The following VPS45 variants were observed in gnomAD, a reference collection of about 807,000 sequenced individuals.
VPS45 encodes vacuolar protein sorting-associated protein 45.
Under a neutral mutation model 75.9 loss-of-function variants are expected in VPS45, and 35 were observed. That is an observed-to-expected ratio of 0.46 (90% confidence interval 0.35 to 0.61). VPS45 has a LOEUF of 0.61. Ranked by LOEUF, VPS45 falls within the 20% of genes least tolerant of loss-of-function variation. The pLI is 0.00. For synonymous variants in VPS45, 220 were observed against 238.2 expected (o/e 0.92, Z 0.70); for missense variants, 559 against 685.9 (o/e 0.81, Z 2.07).
chr1:150,072,637 A>G lies in VPS45; in HGVS notation c.289+411A>G, dbSNP rs182875546. On this transcript the variant is annotated intron_variant, in intron 3 of 14. Coordinates refer to ENST00000644510, the MANE Select transcript of VPS45 (RefSeq NM_007259.5). ...GCGCCATTGCACTCCAGCCTGGGCAACAAAGCGAAACTCCATCTCAAAAAA... is the reference window on the plus strand; with the variant it reads ...GCGCCATTGCACTCCAGCCTGGGCAGCAAAGCGAAACTCCATCTCAAAAAA... Among the ~76,000 whole-genome samples, 7 of 137,426 alleles carry G rather than the reference A, an allele frequency of 5.1e-5. No homozygotes were observed. The Admixed American group carries it at 5.4e-4, about 11-fold the overall frequency. 90.2% of individuals were successfully genotyped at this position (137,426 alleles called of 152,430 possible). A position where few individuals can be genotyped will look rare whatever the true frequency, so the allele number is the denominator to read the frequency against.
chr1:150,080,176 G>A (rs1303637073), intron 7 of VPS45, among the ~76,000 whole-genome samples: 1 of 135,684 alleles, frequency 7.4e-6, no homozygotes, highest in African/African-American at 2.8e-5. Context: ...ATGGAGTTTT[G>A]CTCTTATTGT....
At chr1:150,118,519 C>T (rs1026102686) in intron 14 of VPS45, among the ~76,000 whole-genome samples, 31 of 152,012 alleles carry the variant, frequency 2.0e-4, no homozygotes, top group African/African-American at 7.2e-4. Flanking sequence ...AATTCTCCTG[C>T]CTCAGCCTCC....
Position 150,110,577 on chromosome 1 carries a change from T to C in VPS45, c.1575T>C (p.Thr525=). The C allele has an allele frequency of 6.2e-7, 1 of 1,613,752 alleles. No individual in the cohort carries two copies. The highest frequency in any genetic ancestry group is 8.5e-7 in the Non-Finnish European group (1 of 1,179,834). ...CAGTTTATAACCTGAACCGCACCAC[T>C]CCTGGAGTGAGGATTGTCCTGGGAG... is the stretch of plus-strand genomic sequence containing the variant. ...ALTVYNLNRT[T]PGVRIVLGGT... is the part of the protein sequence containing the mutation. The change falls in exon 14 of 15, where the codon ACT becomes ACC. Residue 525 remains threonine (T), a synonymous_variant. Coordinates refer to ENST00000644510, the MANE Select transcript of VPS45 (RefSeq NM_007259.5).
intron 14 of VPS45, among the ~76,000 whole-genome samples, chr1:150,113,449 A>G (rs1030206807): frequency 4.6e-5 from 7 of 152,220 alleles, no homozygotes; most frequent in Non-Finnish European, 1.0e-4. Flanking sequence ...TCTGAGTGTA[A>G]TGATCAAGAA....
chr1:150,116,020 T>A (rs1657914032), intron 14 of VPS45, among the ~76,000 whole-genome samples: 1 of 152,230 alleles, frequency 6.6e-6, no homozygotes, highest in African/African-American at 2.4e-5. Flanking sequence ...GATATTCATT[T>A]AAAAGAATGT....
chr1:150,082,588 G>C (rs587596811), intron 9 of VPS45, 128 bp from the exon 10 acceptor site: 2 of 1,142,330 alleles, frequency 1.8e-6, no homozygotes, highest in Non-Finnish European at 2.5e-6. Context: ...ATGCCATGTG[G>C]CTGAAAGTTG....
At position 150,137,600 on chromosome 1, in the gene VPS45, T is replaced by C. The variant is rs1187462756; in HGVS notation, c.1626-7109T>C. Among the ~76,000 whole-genome samples, 3 of 152,154 alleles carry C rather than the reference T, an allele frequency of 2.0e-5. No individual in the cohort carries two copies. The East Asian group carries it at 5.8e-4, about 29-fold the overall frequency. On this transcript the variant is annotated intron_variant, in intron 14 of 14. Transcript: ENST00000644510. ...CCAAATCATTTTTTCCCACCTGTTG[T>C]ATTATTCATAGAAGCATAGAAATAT...
intron 14 of VPS45, chr1:150,142,687 CAG>C (rs1215930969): frequency 3.4e-6 from 1 of 298,430 alleles, no homozygotes; most frequent in Non-Finnish European, 6.7e-6. Flanking sequence ...GTTGTTGAGA[CAG>C]GGTTTCACTC....
chr1:150,099,641 G>A (rs1223851090), intron 13 of VPS45, among the ~76,000 whole-genome samples: 5 of 151,908 alleles, frequency 3.3e-5, no homozygotes, highest in African/African-American at 7.3e-5. Context: ...AGACCATCCT[G>A]GCTAACACGA....
At chr1:150,139,238 T>C (rs1246069450) in intron 14 of VPS45, among the ~76,000 whole-genome samples, 1 of 152,212 alleles carries the variant, frequency 6.6e-6, no homozygotes, top group Non-Finnish European at 1.5e-5. Flanking sequence ...CCAGGCCTTA[T>C]ATGGTCTCTC....
intron 7 of VPS45, among the ~76,000 whole-genome samples, chr1:150,079,710 C>A (rs587720984): frequency 6.6e-5 from 10 of 152,296 alleles, no homozygotes; most frequent in African/African-American, 2.2e-4. Context: ...CCACGCCCGG[C>A]TGTGACTTTG....
chr1:150,081,366 G>A lies in VPS45; in HGVS notation c.712G>A (p.Glu238Lys), dbSNP rs782269909. The A allele has an allele frequency of 2.5e-6, 4 of 1,605,722 alleles. No individual in the cohort carries two copies. Among genetic ancestry groups the A allele is most frequent in the African/African-American group, 1.4e-5 (1 of 73,960 alleles). The part of the protein sequence containing the change: ...NQWTYQAMVH[E>K]LLGINNNRID... ...GTGGACATATCAGGCCATGGTCCAC[G>A]AACTACTAGGCATAAACAACAATCG... The change falls in exon 8 of 15, where the codon GAA (glutamate) becomes AAA (lysine). Residue 238 changes from glutamate to lysine, a missense_variant. Coordinates refer to ENST00000644510, the MANE Select transcript of VPS45 (RefSeq NM_007259.5).
chr1:150,098,235 A>G (rs1468457992), intron 13 of VPS45, among the ~76,000 whole-genome samples: 2 of 152,226 alleles, frequency 1.3e-5, no homozygotes, highest in East Asian at 3.8e-4. Flanking sequence ...TTACATATCT[A>G]TCCTTCCTAT....
At chr1:150,141,973 ATTCT>A (rs1206959823) in intron 14 of VPS45, among the ~76,000 whole-genome samples, 2 of 151,636 alleles carry the variant, frequency 1.3e-5, no homozygotes, top group Non-Finnish European at 2.9e-5. Flanking sequence ...AAGAAAAATT[ATTCT>A]TTTTGTTTTG....
chr1:150,113,843 C>T (rs1470506285), intron 14 of VPS45, among the ~76,000 whole-genome samples: 3 of 151,770 alleles, frequency 2.0e-5, no homozygotes, highest in Non-Finnish European at 4.4e-5. Context: ...TGCAGTGAGC[C>T]GAAATCATGC....
chr1:150,111,843 C>A (rs1268343584), intron 14 of VPS45, among the ~76,000 whole-genome samples: 3 of 151,970 alleles, frequency 2.0e-5, no homozygotes, highest in Non-Finnish European at 2.9e-5. Flanking sequence ...TTTTTTTAAG[C>A]CTGTATAGAC....
At chr1:150,129,823 G>T (rs1571909485) in intron 14 of VPS45, among the ~76,000 whole-genome samples, 2 of 148,100 alleles carry the variant, frequency 1.4e-5, no homozygotes, top group South Asian at 4.3e-4. Context: ...AAAGTCCTGG[G>T]ATTACAGGCA....
At chr1:150,069,459 C>CTTCT (rs1553796523) in intron 2 of VPS45, among the ~76,000 whole-genome samples, 1 of 128,136 alleles carries the variant, frequency 7.8e-6, no homozygotes, top group Non-Finnish European at 1.6e-5. Flanking sequence ...ATTTGTTACA[C>CTTCT]TTTTTTTTTT....
chr1:150,127,235 T>C (rs1412934051), intron 14 of VPS45, among the ~76,000 whole-genome samples: 1 of 152,254 alleles, frequency 6.6e-6, no homozygotes, highest in Non-Finnish European at 1.5e-5. Flanking sequence ...CATTTTACTT[T>C]TTTAATGTGG....
Sources: allele counts gnomAD v4.1 joint callset (sites outside exome capture counted in the v4.1 genomes callset), GRCh38; gene constraint gnomAD v4.1.1; transcripts MANE v1.5; gene names NCBI Gene and HGNC (gene_info 2026-07-23, HGNC 2026-07-21).